The following CDK8 variants were observed in gnomAD, a reference collection of about 807,000 sequenced individuals.
CDK8 encodes cyclin-dependent kinase 8.
In CDK8, 29 loss-of-function variants were observed where a neutral mutation model predicts 71.5. That is an observed-to-expected ratio of 0.41 (90% CI 0.30 to 0.55). The LOEUF is 0.55. Ranked by LOEUF, CDK8 falls within the 20% of genes least tolerant of loss-of-function variation. The pLI is 0.37. For synonymous variants in CDK8, 161 were observed against 192.1 expected, an observed-to-expected ratio of 0.84 and a Z score of 1.34; for missense variants, 288 against 572.6, an observed-to-expected ratio of 0.50 and a Z score of 5.07.
At chr13:26,337,431 TG>T (rs1873041411) in intron 1 of CDK8, 135 bp from the exon 2 acceptor site, 1 of 308,618 alleles carries the variant, frequency 3.2e-6, no homozygotes, top group East Asian at 5.7e-5. Context: ...AGTTTTTCCT[TG>T]TACGACATTG....
Position 26,254,628 on chromosome 13 carries a change from C to G in CDK8, c.-14C>G, listed in dbSNP as rs1368903522. ...GCCCCCCGACCCAGCTCTCCGGCCT[C>G]AGAGGCTGTGACAATGGACTATGAC... On this transcript the variant is annotated 5_prime_UTR_variant, in exon 1 of 13. Transcript: ENST00000381527. This position sits in a 1 kb window ranked among gnomAD's most constrained non-coding sequence, Gnocchi z 6.7. The G allele has an allele frequency of 6.3e-7, 1 of 1,592,102 alleles. No homozygotes were observed. The highest frequency in any genetic ancestry group is 8.5e-7 in the Non-Finnish European group (1 of 1,169,854).
chr13:26,301,212 CTTTTTTTTTT>C (rs36054795), intron 1 of CDK8, among the ~76,000 whole-genome samples: 1 of 92,904 alleles, frequency 1.1e-5, no homozygotes, highest in South Asian at 3.9e-4. Flanking sequence ...TATCAGTAGA[CTTTTTTTTTT>C]TTTTTTTTTT....
At chr13:26,281,264 T>C (rs1872733519) in intron 1 of CDK8, among the ~76,000 whole-genome samples, 1 of 152,218 alleles carries the variant, frequency 6.6e-6, no homozygotes, top group Admixed American at 6.5e-5. Context: ...CCAGAACAGG[T>C]GCTGGTATCC....
chr13:26,254,603 GC>G lies in CDK8; in HGVS notation c.-33del, dbSNP rs2137842297. The G allele has an allele frequency of 2.1e-6, 3 of 1,454,126 alleles. No individual in the cohort carries two copies. Among genetic ancestry groups the G allele is most frequent in the Admixed American group, 2.0e-5 (1 of 50,346 alleles). 90.1% of individuals were successfully genotyped at this position (1,454,126 alleles called of 1,614,324 possible). On this transcript the variant is annotated 5_prime_UTR_variant, in exon 1 of 13. Coordinates refer to ENST00000381527, the MANE Select transcript of CDK8 (RefSeq NM_001260.3). The surrounding 1 kb of genome is among the most constrained non-coding windows in gnomAD (Gnocchi z 6.7). ...CCCCGGTCCCCACCCCTGCCCCCCG[GC>G]CCCCCGACCCAGCTCTCCGGCCTCA...
intron 1 of CDK8, among the ~76,000 whole-genome samples, chr13:26,270,421 T>C (rs1375128495): frequency 4.0e-5 from 6 of 151,116 alleles, no homozygotes; most frequent in South Asian, 2.1e-4. Context: ...CACACACACA[T>C]ACACAGTTTA....
chr13:26,384,270 A>C (rs1875367093), intron 5 of CDK8, among the ~76,000 whole-genome samples: 1 of 151,866 alleles, frequency 6.6e-6, no homozygotes, highest in Non-Finnish European at 1.5e-5. Flanking sequence ...CTTTGTAATT[A>C]AGGTGATTAT....
intron 1 of CDK8, among the ~76,000 whole-genome samples, chr13:26,259,305 G>A (rs141200625): frequency 6.6e-6 from 1 of 152,050 alleles, no homozygotes; most frequent in South Asian, 2.1e-4. Flanking sequence ...CGAGGGGGTA[G>A]GGGGAAGGAT....
intron 1 of CDK8, chr13:26,324,884 T>A: frequency 2.4e-6 from 1 of 421,864 alleles, no homozygotes; most frequent in Non-Finnish European, 3.2e-6. Flanking sequence ...ATTTTATAAC[T>A]GAAACAGACA....
In CDK8 at chr13:26,353,722, T is replaced by C; in HGVS notation, c.316-18T>C. 4 of 1,578,804 alleles carry C rather than the reference T, an allele frequency of 2.5e-6. No homozygotes were observed. The highest frequency in any genetic ancestry group is 3.5e-6 in the Non-Finnish European group (4 of 1,159,176). ...TCCTTTTTTTAAGCTTCTGTTGATA[T>C]TTTTTTCTTTCTTTCAGCATATAAT... On this transcript the variant is annotated intron_variant, in intron 3 of 12. Coordinates refer to ENST00000381527, the MANE Select transcript of CDK8 (RefSeq NM_001260.3).
In CDK8 at chr13:26,353,817, A is replaced by G. The variant is rs374141729; in HGVS notation, c.393A>G (p.Leu131=). 1.1e-5 allele frequency: 18 copies of G among 1,612,966 alleles called. No individual in the cohort carries two copies. The highest frequency in any genetic ancestry group is 1.5e-5 in the Non-Finnish European group (18 of 1,179,150). ...TACCTCGGGGAATGGTGAAGTCACT[A>G]TTATATCAGATCCTAGATGGTATTC... ...VQLPRGMVKS[L]LYQILDGIHY... The change falls in exon 4 of 13, where the codon CTA becomes CTG. Residue 131 remains leucine (L), a synonymous_variant. Transcript: ENST00000381527.
chr13:26,368,030 A>T (rs929086132), intron 4 of CDK8, among the ~76,000 whole-genome samples: 3 of 152,138 alleles, frequency 2.0e-5, no homozygotes, highest in Non-Finnish European at 4.4e-5. Context: ...GAGATTTCAG[A>T]ATTTTCTGCT....
intron 1 of CDK8, among the ~76,000 whole-genome samples, chr13:26,259,016 A>G (rs1871653560): frequency 6.6e-6 from 1 of 152,194 alleles, no homozygotes; most frequent in Non-Finnish European, 1.5e-5. Context: ...GGCAGCACAA[A>G]GGAACTCTTC....
chr13:26,312,296 G>T (rs1295259701), intron 1 of CDK8, among the ~76,000 whole-genome samples: 1 of 152,140 alleles, frequency 6.6e-6, no homozygotes. Context: ...AGCCAGCAGT[G>T]GCAACCCACT....
intron 6 of CDK8, among the ~76,000 whole-genome samples, chr13:26,387,188 T>G (rs1044084164): frequency 2.0e-5 from 3 of 152,218 alleles, no homozygotes; most frequent in Non-Finnish European, 4.4e-5. Context: ...CTACTATCTG[T>G]GAAGACAATG....
At chr13:26,307,496 C>G (rs1424238042) in intron 1 of CDK8, among the ~76,000 whole-genome samples, 2 of 152,072 alleles carry the variant, frequency 1.3e-5, no homozygotes, top group African/African-American at 4.8e-5. Flanking sequence ...ATTGATTATC[C>G]CCTAGGGACT....
chr13:26,293,724 T>G (rs1466567101), intron 1 of CDK8, among the ~76,000 whole-genome samples: 10 of 152,154 alleles, frequency 6.6e-5, no homozygotes, highest in Admixed American at 6.5e-4. Context: ...ATTTATGGTA[T>G]CAACATGTTT....
intron 6 of CDK8, among the ~76,000 whole-genome samples, chr13:26,387,851 G>A (rs1434236753): frequency 6.6e-6 from 1 of 152,066 alleles, no homozygotes; most frequent in South Asian, 2.1e-4. Context: ...CCCTACCTCC[G>A]CCTTCACACC....
intron 4 of CDK8, among the ~76,000 whole-genome samples, chr13:26,354,570 AC>A (rs2138000689): frequency 6.6e-6 from 1 of 152,204 alleles, no homozygotes; most frequent in Non-Finnish European, 1.5e-5. Context: ...GAGCATTACC[AC>A]CTGAGCTCCG....
intron 4 of CDK8, 143 bp from the exon 5 acceptor site, chr13:26,382,671 T>C (rs1389800256): frequency 1.6e-5 from 9 of 551,972 alleles, no homozygotes; most frequent in Non-Finnish European, 2.5e-5. Flanking sequence ...ATGCACAGTT[T>C]CTTTGGTGAC....
Sources: allele counts gnomAD v4.1 joint callset (sites outside exome capture counted in the v4.1 genomes callset), GRCh38; gene constraint gnomAD v4.1.1; non-coding constraint Gnocchi (gnomAD v3.1); transcripts MANE v1.5; gene names NCBI Gene and HGNC (gene_info 2026-07-23, HGNC 2026-07-21).